Variants in HMGN5 observed in about 807,000 individuals in gnomAD.
HMGN5 encodes high mobility group nucleosome-binding domain-containing protein 5.
Under a neutral mutation model 9.5 loss-of-function variants are expected in HMGN5, and 4 were observed. The ratio of observed to expected loss-of-function variants is 0.42; its 90% CI spans 0.21 to 0.96. HMGN5 has a LOEUF of 0.96. Among genes scored for constraint, HMGN5 ranks in the 40% least tolerant of loss-of-function variants. HMGN5 has a pLI of 0.30. For synonymous variants in HMGN5, 55 were observed against 57.1 expected, an observed-to-expected ratio of 0.96 and a Z score of 0.16; for missense variants, 192 against 187.5, an observed-to-expected ratio of 1.02 and a Z score of -0.14.
intron 1 of HMGN5, among the ~76,000 whole-genome samples, chrX:81,190,222 T>A (rs1297518341): frequency 2.7e-5 from 3 of 112,199 alleles, no homozygotes; most frequent in African/African-American, 9.7e-5. Context: ...AAACATTTTC[T>A]CCCAGTCTCT....
intron 1 of HMGN5, among the ~76,000 whole-genome samples, chrX:81,166,573 A>G (rs1279036554): frequency 9.0e-6 from 1 of 111,543 alleles, no homozygotes; most frequent in African/African-American, 3.3e-5. Context: ...ATGTCAGTGG[A>G]AAACAAAAGT....
chrX:81,163,314 G>T (rs538875582), intron 1 of HMGN5, among the ~76,000 whole-genome samples: 8 of 112,310 alleles, frequency 7.1e-5, no homozygotes, highest in African/African-American at 2.6e-4. Context: ...CATCCCTGCT[G>T]TGTCCTTTCC....
chrX:81,159,166 A>G (rs1177902798), intron 1 of HMGN5, among the ~76,000 whole-genome samples: 2 of 111,533 alleles, frequency 1.8e-5, no homozygotes, highest in Admixed American at 9.6e-5. Context: ...TCTCACTTGT[A>G]AGTGTGAGCT....
chrX:81,166,474 C>T (rs968979872), intron 1 of HMGN5, among the ~76,000 whole-genome samples: 4 of 111,393 alleles, frequency 3.6e-5, no homozygotes, highest in Admixed American at 2.9e-4. Context: ...GCTAGTAAAT[C>T]GCTGTATTAC....
intron 1 of HMGN5, among the ~76,000 whole-genome samples, chrX:81,170,377 G>T (rs1808890946): frequency 9.0e-6 from 1 of 111,652 alleles, no homozygotes; most frequent in African/African-American, 3.3e-5. Context: ...GAAATTATTT[G>T]ATGATTGTTA....
At chrX:81,153,084 A>G (rs1330200411) in intron 1 of HMGN5, among the ~76,000 whole-genome samples, 2 of 108,041 alleles carry the variant, frequency 1.9e-5, no homozygotes, top group African/African-American at 6.8e-5. Flanking sequence ...AGCATGGCAC[A>G]TGTATACATA....
chrX:81,158,112 G>GA (rs1184260835), intron 1 of HMGN5, among the ~76,000 whole-genome samples: 9 of 111,030 alleles, frequency 8.1e-5, no homozygotes, highest in Admixed American at 3.8e-4. Flanking sequence ...TTATATACCT[G>GA]AAAAAAAATG....
intron 1 of HMGN5, among the ~76,000 whole-genome samples, chrX:81,150,586 TAACAAA>T: frequency 9.2e-6 from 1 of 109,105 alleles, no homozygotes; most frequent in East Asian, 2.9e-4. Context: ...AACAAAACAA[TAACAAA>T]AACAAAAACA....
intron 1 of HMGN5, among the ~76,000 whole-genome samples, chrX:81,131,896 T>A (rs2075298494): frequency 9.0e-6 from 1 of 111,113 alleles, no homozygotes; most frequent in Non-Finnish European, 1.9e-5. Flanking sequence ...ATAAAGGGCA[T>A]TCAAATAGGA....
intron 1 of HMGN5, among the ~76,000 whole-genome samples, chrX:81,130,871 A>G (rs2075296279): frequency 9.0e-6 from 1 of 111,415 alleles, no homozygotes; most frequent in African/African-American, 3.3e-5. Flanking sequence ...AAGTGTGCTT[A>G]TAAAAATTAC....
chrX:81,121,395 A>T, intron 2 of HMGN5, 140 bp downstream of exon 2: 1 of 586,430 alleles, frequency 1.7e-6, no homozygotes. Context: ...TTGCCCTTCT[A>T]CCCCTTTCCG....
chrX:81,118,337 A>G (rs970181605), intron 5 of HMGN5, 95 bp downstream of exon 5: 10 of 494,386 alleles, frequency 2.0e-5, no homozygotes, highest in Non-Finnish European at 2.7e-5. Context: ...TGAACAAAAT[A>G]TAAGCAAAGT....
chrX:81,140,193 C>T (rs1262268015), intron 1 of HMGN5, among the ~76,000 whole-genome samples: 1 of 111,648 alleles, frequency 9.0e-6, no homozygotes, highest in Non-Finnish European at 1.9e-5. Flanking sequence ...TGTGAGGTCA[C>T]TGTTTCAGGC....
intron 2 of HMGN5, among the ~76,000 whole-genome samples, chrX:81,120,099 A>C (rs2147537233): frequency 8.9e-6 from 1 of 112,293 alleles, no homozygotes; most frequent in South Asian, 3.7e-4. Flanking sequence ...AAACCTTTGT[A>C]ATTTTGAAAT....
At chrX:81,122,727 A>C (rs1213961279) in intron 1 of HMGN5, among the ~76,000 whole-genome samples, 1 of 112,113 alleles carries the variant, frequency 8.9e-6, no homozygotes, top group East Asian at 2.8e-4. Context: ...GAATGTCTCC[A>C]TAGCGTCACT....
chrX:81,136,147 G>T (rs1438294455), intron 1 of HMGN5, among the ~76,000 whole-genome samples: 2 of 111,489 alleles, frequency 1.8e-5, no homozygotes, highest in Non-Finnish European at 3.8e-5. Flanking sequence ...CAGGTATTTT[G>T]TTATAGCAAC....
intron 1 of HMGN5, among the ~76,000 whole-genome samples, chrX:81,200,106 A>C (rs2075521216): frequency 8.9e-6 from 1 of 112,942 alleles, no homozygotes. Context: ...TTATGCAGCC[A>C]ACAGACATAT....
rs188946736 is a variant in HMGN5 at position 81,178,509 on chromosome X, G to A, written c.-124+23228C>T. Among the ~76,000 whole-genome samples, 241 of 111,584 alleles carry A rather than the reference G, an allele frequency of 2.2e-3. 2 individuals carry two copies. The highest frequency in any genetic ancestry group is 3.2e-3 in the Non-Finnish European group (168 of 53,078). ...CATACACCCTTCCAAGACTAAACCA[G>A]GAAGAATTTGAATCTCTGAATAGAC... On this transcript the variant is annotated intron_variant, in intron 1 of 6. Coordinates refer to ENST00000358130, the MANE Select transcript of HMGN5 (RefSeq NM_030763.3).
chrX:81,143,850 GT>G (rs2075335969), intron 1 of HMGN5, among the ~76,000 whole-genome samples: 1 of 111,965 alleles, frequency 8.9e-6, no homozygotes, highest in South Asian at 3.7e-4. Context: ...TGAGTAGACA[GT>G]TTTACCCTCA....
Sources: gnomAD v4.1 joint callset for allele counts (sites outside exome capture counted in the v4.1 genomes callset) on GRCh38, gnomAD v4.1.1 for gene constraint, MANE v1.5 for transcripts, NCBI Gene and HGNC (gene_info 2026-07-23, HGNC 2026-07-21) for gene names.